The following SCN1A variants were observed in gnomAD, a reference collection of about 807,000 sequenced individuals.
The protein encoded by SCN1A is sodium voltage-gated channel alpha subunit 1.
SCN1A carries 13 observed loss-of-function variants against 193.7 expected under a neutral mutation model. The ratio of observed to expected loss-of-function variants is 0.07; its 90% CI spans 0.04 to 0.11. SCN1A has a LOEUF of 0.11. Among genes scored for constraint, SCN1A ranks in the 10% least tolerant of loss-of-function variants. SCN1A has a pLI of 1.00. For missense variants in SCN1A, 1,432 were observed against 2,451.1 expected (o/e 0.58, Z 8.78); for synonymous variants, 781 against 843.6 (o/e 0.93, Z 1.29).
intron 2 of SCN1A, among the ~76,000 whole-genome samples, chr2:166,122,677 C>CAA (rs1173094481): frequency 6.6e-6 from 1 of 151,924 alleles, no homozygotes; most frequent in Non-Finnish European, 1.5e-5. Context: ...TATGAACAAA[C>CAA]AAAAGAGTAA....
At chr2:166,063,167 A>G (rs746974698) in intron 4 of SCN1A, among the ~76,000 whole-genome samples, 5 of 152,142 alleles carry the variant, frequency 3.3e-5, no homozygotes, top group Admixed American at 6.5e-5. Flanking sequence ...CTACAAAGAA[A>G]TAGAACTGTT....
chr2:166,112,585 C>T (rs751186848), intron 2 of SCN1A, among the ~76,000 whole-genome samples: 1 of 152,096 alleles, frequency 6.6e-6, no homozygotes, highest in Non-Finnish European at 1.5e-5. Context: ...TGCTGCCTGG[C>T]ACAGAGCTCC....
At chr2:166,091,077 A>G (rs539879915) in intron 2 of SCN1A, among the ~76,000 whole-genome samples, 2 of 152,184 alleles carry the variant, frequency 1.3e-5, no homozygotes, top group African/African-American at 2.4e-5. Context: ...TAACGATTTC[A>G]TAGGAAAGAG....
At chr2:166,128,330 ATTAT>A (rs1691474947), upstream of SCN1A, among the ~76,000 whole-genome samples, 1 of 152,088 alleles carries the variant, frequency 6.6e-6, no homozygotes, top group Admixed American at 6.6e-5. Context: ...AAACTTTAGC[ATTAT>A]TTTAGTTTGA....
At chr2:166,145,588 G>A (rs113440408) in intron 1 of SCN1A, among the ~76,000 whole-genome samples, 23 of 151,722 alleles carry the variant, frequency 1.5e-4, no homozygotes, top group Non-Finnish European at 2.2e-4. Flanking sequence ...TACTTCTATC[G>A]CACATATCAG....
intron 20 of SCN1A, among the ~76,000 whole-genome samples, chr2:166,014,846 C>T (rs1175203518): frequency 6.6e-6 from 1 of 151,530 alleles, no homozygotes; most frequent in East Asian, 1.9e-4. Context: ...TGTATATTAT[C>T]GGGTAAATTA....
Position 165,986,941 on chromosome 2 carries a change from A to T in SCN1A, c.*4304T>A, listed in dbSNP as rs546934117. 29 of 152,264 alleles carry T rather than the reference A, an allele frequency of 1.9e-4. No homozygotes were observed. Among genetic ancestry groups the T allele is most frequent in the African/African-American group, 6.7e-4 (28 of 41,576 alleles). 9.4% of individuals were successfully genotyped at this position (152,264 alleles called of 1,614,324 possible). On this transcript the variant is annotated 3_prime_UTR_variant, in exon 29 of 29. Transcript: ENST00000674923. ...AGTCTTAACAAAATTAGGAAAATTA[A>T]CACTATTATAATACTAATAACTAAT...
At chr2:166,124,815 A>C (rs1266388793) in intron 2 of SCN1A, among the ~76,000 whole-genome samples, 3 of 152,194 alleles carry the variant, frequency 2.0e-5, no homozygotes, top group Non-Finnish European at 2.9e-5. Flanking sequence ...ATAACCCAGC[A>C]AGTTAATTGA....
chr2:166,050,626 T>TAC (rs1698435775), intron 9 of SCN1A, among the ~76,000 whole-genome samples: 1 of 78,002 alleles, frequency 1.3e-5, no homozygotes, highest in African/African-American at 5.6e-5. Flanking sequence ...TATATATATA[T>TAC]ATATATATAT....
chr2:165,997,883 A>G (rs546533769), intron 26 of SCN1A, among the ~76,000 whole-genome samples, 155 bp downstream of exon 26: 59 of 151,472 alleles, frequency 3.9e-4, no homozygotes, highest in African/African-American at 1.3e-3. Flanking sequence ...AGCCGGAAAT[A>G]TATGGATAGT....
At chr2:166,001,011 T>G (rs1690753359) in intron 24 of SCN1A, among the ~76,000 whole-genome samples, 1 of 151,702 alleles carries the variant, frequency 6.6e-6, no homozygotes, top group Non-Finnish European at 1.5e-5. Flanking sequence ...TTTTCTTTCC[T>G]CAAATTTATG....
intron 2 of SCN1A, among the ~76,000 whole-genome samples, chr2:166,099,116 C>T (rs1208805847): frequency 2.0e-5 from 3 of 152,106 alleles, no homozygotes; most frequent in Non-Finnish European, 4.4e-5. Flanking sequence ...TACAAGTCTA[C>T]AGTAACCAAA....
chr2:166,039,694 A>C, intron 16 of SCN1A, 98 bp from the exon 17 acceptor site: 1 of 1,065,618 alleles, frequency 9.4e-7, no homozygotes, highest in Non-Finnish European at 1.4e-6. Context: ...TTTTCCCACA[A>C]TGATTCTATT....
intron 2 of SCN1A, among the ~76,000 whole-genome samples, chr2:166,089,728 G>A (rs1686568972): frequency 2.0e-5 from 3 of 152,028 alleles, no homozygotes; most frequent in Non-Finnish European, 4.4e-5. Context: ...AGTGTAAGGT[G>A]GTACTGACAG....
At chr2:166,073,061 A>T (rs1684619277) in intron 4 of SCN1A, among the ~76,000 whole-genome samples, 1 of 151,918 alleles carries the variant, frequency 6.6e-6, no homozygotes, top group African/African-American at 2.4e-5. Context: ...GATGGTCTCA[A>T]TCTCTTAACC....
chr2:166,102,428 G>A (rs553798100), intron 2 of SCN1A, among the ~76,000 whole-genome samples: 12 of 151,074 alleles, frequency 7.9e-5, no homozygotes, highest in African/African-American at 2.9e-4. Context: ...CCCAGGAGGC[G>A]GAGCTTGGAG....
At chr2:166,095,518 T>G (rs1687280888) in intron 2 of SCN1A, among the ~76,000 whole-genome samples, 1 of 152,172 alleles carries the variant, frequency 6.6e-6, no homozygotes, top group African/African-American at 2.4e-5. Flanking sequence ...TCTTTAAATA[T>G]AAAAATATCC....
At chr2:166,087,095 G>A (rs1686214519) in intron 2 of SCN1A, among the ~76,000 whole-genome samples, 1 of 151,528 alleles carries the variant, frequency 6.6e-6, no homozygotes, top group Non-Finnish European at 1.5e-5. Flanking sequence ...GATCCCTCAT[G>A]AATGGTTTTT....
At position 165,991,786 on chromosome 2, in the gene SCN1A, T is replaced by A; in HGVS notation, c.5489A>T (p.Gln1830Leu). The change falls in exon 29 of 29, where the codon CAG (glutamine) becomes CTG (leucine). Residue 1830 changes from glutamine (Q) to leucine (L), a missense_variant. Around this residue, in one of 18 missense-constraint regions of SCN1A, gnomAD observed 59 missense variants for 110.6 expected, o/e 0.53. Transcript: ENST00000674923. ...TQFMEFEKLS[Q>L]FAAALEPPLN... ...AGGCGGTTCAAGCGCAGCTGCAAAC[T>A]GAGATAATTTTTCAAATTCCATGAA... The A allele has an allele frequency of 9.9e-6, 16 of 1,613,962 alleles. No homozygotes were observed. Among genetic ancestry groups the A allele is most frequent in the Non-Finnish European group, 1.4e-5 (16 of 1,179,952 alleles).
Sources: allele counts gnomAD v4.1 joint callset (sites outside exome capture counted in the v4.1 genomes callset), GRCh38; gene constraint gnomAD v4.1.1; regional missense constraint gnomAD v4.1.1; transcripts MANE v1.5; gene names NCBI Gene and HGNC (gene_info 2026-07-23, HGNC 2026-07-21).